RNF180: variants seen among roughly 807,000 people sequenced by gnomAD.
RNF180 encodes the protein E3 ubiquitin-protein ligase RNF180.
RNF180 carries 38 observed loss-of-function variants against 59.2 expected under a neutral mutation model. The observed-to-expected ratio is 0.64, with a 90% confidence interval of 0.50 to 0.84. The LOEUF is 0.84. Among genes scored for constraint, RNF180 ranks in the 40% least tolerant of loss-of-function variants. The probability of loss-of-function intolerance (pLI) is 0.00; values close to 1 mark genes in which losing one functional copy is unlikely to be tolerated. For synonymous variants in RNF180, 262 were observed against 240.3 expected, an observed-to-expected ratio of 1.09 and a Z score of -0.84; for missense variants, 705 against 700.9, an observed-to-expected ratio of 1.01 and a Z score of -0.07.
At chr5:64,192,975 C>G (rs1399830903) in intron 1 of RNF180, among the ~76,000 whole-genome samples, 2 of 136,172 alleles carry the variant, frequency 1.5e-5, no homozygotes, top group African/African-American at 5.6e-5. Context: ...GAAGGCAATC[C>G]TACCATTTGT....
chr5:64,315,533 T>C (rs191198506), intron 5 of RNF180, among the ~76,000 whole-genome samples: 51 of 152,064 alleles, frequency 3.4e-4, no homozygotes, highest in Middle Eastern at 3.4e-3. Flanking sequence ...TCACCTGAGG[T>C]CAGGAGTTTG....
intron 5 of RNF180, among the ~76,000 whole-genome samples, chr5:64,255,483 AATG>A (rs1743885016): frequency 1.3e-5 from 2 of 152,090 alleles, no homozygotes; most frequent in Non-Finnish European, 2.9e-5. Flanking sequence ...GTTTGCTGAG[AATG>A]ATGGTTTCCA....
At chr5:64,352,742 T>C (rs897190762) in intron 7 of RNF180, among the ~76,000 whole-genome samples, 1 of 152,058 alleles carries the variant, frequency 6.6e-6, no homozygotes, top group South Asian at 2.1e-4. Context: ...AACAATTTGT[T>C]TGGAATTTTT....
At chr5:64,283,967 C>T (rs576868849) in intron 5 of RNF180, among the ~76,000 whole-genome samples, 6 of 152,066 alleles carry the variant, frequency 3.9e-5, no homozygotes, top group Non-Finnish European at 8.8e-5. Flanking sequence ...GGTTTATGTA[C>T]TTAAGTATTT....
chr5:64,177,206 A>T (rs1394323329), intron 1 of RNF180, among the ~76,000 whole-genome samples: 5 of 152,130 alleles, frequency 3.3e-5, no homozygotes, highest in East Asian at 1.9e-4. Flanking sequence ...CTCAAGTCAA[A>T]CATTATACTT....
In RNF180 at chr5:64,214,453, A is replaced by G. The variant is rs766498054; in HGVS notation, c.1127A>G (p.Glu376Gly). The G allele has an allele frequency of 1.9e-5, 31 of 1,613,844 alleles. No homozygotes were observed. Among genetic ancestry groups the G allele is most frequent in the Non-Finnish European group, 2.3e-5 (27 of 1,179,872 alleles). The change falls in exon 4 of 8, where the codon GAA becomes GGA. Residue 376 changes from glutamate to glycine, a missense_variant. By Grantham distance (98) the Glu-to-Gly change is moderately conservative. Transcript: ENST00000389100. ...ATTAATCAGAGGCTTAATAAGAGAGAAAGGAGCAAGTTGAAGAATCTAAGA... is the reference window on the plus strand; with the variant it reads ...ATTAATCAGAGGCTTAATAAGAGAGGAAGGAGCAAGTTGAAGAATCTAAGA... ...GSINQRLNKRERSKLKNLRRK... is the reference protein window; with the variant it reads ...GSINQRLNKRGRSKLKNLRRK...
intron 7 of RNF180, among the ~76,000 whole-genome samples, chr5:64,333,121 G>A (rs1744982446): frequency 6.6e-6 from 1 of 152,204 alleles, no homozygotes; most frequent in Non-Finnish European, 1.5e-5. Flanking sequence ...GTCAGTAACT[G>A]TAAAAATTTA....
chr5:64,311,566 G>T (rs1743767808), intron 5 of RNF180, among the ~76,000 whole-genome samples: 1 of 151,872 alleles, frequency 6.6e-6, no homozygotes, highest in African/African-American at 2.4e-5. Flanking sequence ...CTACCTTCCT[G>T]TTTCTCAGTG....
chr5:64,350,804 T>C (rs931917067), intron 7 of RNF180, among the ~76,000 whole-genome samples: 6 of 152,196 alleles, frequency 3.9e-5, no homozygotes, highest in Non-Finnish European at 7.3e-5. Flanking sequence ...CGGTTTTGAT[T>C]ACTGTAGCCT....
intron 5 of RNF180, among the ~76,000 whole-genome samples, chr5:64,279,367 T>C (rs180857394): frequency 3.9e-5 from 6 of 152,306 alleles, no homozygotes; most frequent in African/African-American, 1.4e-4. Context: ...TCAGGAACTC[T>C]ACTCTGAAGG....
At chr5:64,362,335 G>A (rs1746289989) in intron 7 of RNF180, among the ~76,000 whole-genome samples, 2 of 151,698 alleles carry the variant, frequency 1.3e-5, no homozygotes, top group East Asian at 1.9e-4. Flanking sequence ...GAGAACATGT[G>A]GTATTTGGTT....
chr5:64,254,142 A>C (rs1743776447), intron 5 of RNF180, among the ~76,000 whole-genome samples: 1 of 152,202 alleles, frequency 6.6e-6, no homozygotes, highest in Non-Finnish European at 1.5e-5. Context: ...AAAGGTTGAA[A>C]AATCAAGATT....
chr5:64,303,823 C>G (rs1158271207), intron 5 of RNF180, among the ~76,000 whole-genome samples: 1 of 151,628 alleles, frequency 6.6e-6, no homozygotes, highest in Non-Finnish European at 1.5e-5. Context: ...AACTAAACAA[C>G]ACATTTTCAA....
At chr5:64,342,911 G>A (rs961747017) in intron 7 of RNF180, among the ~76,000 whole-genome samples, 3 of 152,106 alleles carry the variant, frequency 2.0e-5, no homozygotes, top group Non-Finnish European at 2.9e-5. Flanking sequence ...TCCTTAAGAC[G>A]TTTGAAATTA....
At chr5:64,173,716 A>G (rs1285126740) in intron 1 of RNF180, among the ~76,000 whole-genome samples, 7 of 136,732 alleles carry the variant, frequency 5.1e-5, no homozygotes, top group African/African-American at 1.6e-4. Context: ...TATAGCATCA[A>G]CTTTTTTTTT....
At chr5:64,354,287 T>G (rs1397985710) in intron 7 of RNF180, among the ~76,000 whole-genome samples, 1 of 151,748 alleles carries the variant, frequency 6.6e-6, no homozygotes, top group East Asian at 1.9e-4. Context: ...CTACCACTTT[T>G]ACAGAAATAA....
At chr5:64,175,947 A>T (rs943589551) in intron 1 of RNF180, among the ~76,000 whole-genome samples, 2 of 152,110 alleles carry the variant, frequency 1.3e-5, no homozygotes, top group African/African-American at 4.8e-5. Context: ...TTATATATTG[A>T]TTTTGTATCT....
At chr5:64,185,206 C>A (rs1049982526) in intron 1 of RNF180, among the ~76,000 whole-genome samples, 2 of 152,216 alleles carry the variant, frequency 1.3e-5, no homozygotes, top group Non-Finnish European at 2.9e-5. Context: ...TCACTGCTAT[C>A]ACCTTAATCT....
In RNF180 at chr5:64,337,700, T is replaced by C. The variant is rs1011276774; in HGVS notation, c.1579+7294T>C. Among the ~76,000 whole-genome samples, 3 of 131,774 alleles carry C rather than the reference T, an allele frequency of 2.3e-5. No individual in the cohort carries two copies. In the Admixed American group the frequency reaches 2.6e-4, roughly 11 times the overall value. 86.4% of individuals were successfully genotyped at this position (131,774 alleles called of 152,430 possible). On this transcript the variant is annotated intron_variant, in intron 7 of 7. Coordinates refer to ENST00000389100, the MANE Select transcript of RNF180 (RefSeq NM_001113561.2). ...GTCCCCAGAGTGTGATGTTCCCCTT[T>C]CTGTGTCCATGTGTTCTCATTGTTC...
Sources: gnomAD v4.1 joint callset for allele counts (sites outside exome capture counted in the v4.1 genomes callset) on GRCh38, gnomAD v4.1.1 for gene constraint, MANE v1.5 for transcripts, NCBI Gene and HGNC (gene_info 2026-07-23, HGNC 2026-07-21) for gene names.